TACC2: variants seen among roughly 807,000 people sequenced by gnomAD.
The protein encoded by TACC2 is transforming acidic coiled-coil containing protein 2, also known as transforming acidic coiled-coil-containing protein 2.
A neutral mutation model predicts 227.3 loss-of-function variants in TACC2; 137 were observed. The observed-to-expected ratio is 0.60, with a 90% CI of 0.52 to 0.69. The LOEUF is 0.69. Among genes scored for constraint, TACC2 ranks in the 30% least tolerant of loss-of-function variants. The probability of loss-of-function intolerance (pLI) is 0.00; values close to 1 mark genes in which losing one functional copy is unlikely to be tolerated. For synonymous variants in TACC2, 1,523 were observed against 1,487.5 expected (o/e 1.02, Z -0.55); for missense variants, 3,470 against 3,694.4 (o/e 0.94, Z 1.57).
At chr10:122,125,470 G>T (rs567401260) in intron 5 of TACC2, among the ~76,000 whole-genome samples, 1 of 152,294 alleles carries the variant, frequency 6.6e-6, no homozygotes, top group South Asian at 2.1e-4. Flanking sequence ...CAAATGCCAG[G>T]ATTACAGGCA....
At chr10:122,236,924 C>T (rs2095867927) in intron 16 of TACC2, among the ~76,000 whole-genome samples, 1 of 152,158 alleles carries the variant, frequency 6.6e-6, no homozygotes, top group Admixed American at 6.5e-5. Context: ...AAACAAATGC[C>T]CCCAAAATGG....
In TACC2 at chr10:122,087,462, C is replaced by T. The variant is rs368771136; in HGVS notation, c.4962C>T (p.Asp1654=). 34 of 1,613,970 alleles carry T rather than the reference C, an allele frequency of 2.1e-5. No individual in the cohort carries two copies. The African/African-American group carries it at 3.3e-4, about 16-fold the overall frequency. Residue 1654 remains aspartate, a synonymous_variant, in exon 4 of 23, where the codon GAC becomes GAT. Coordinates refer to ENST00000369005, the MANE Select transcript of TACC2 (RefSeq NM_206862.4). The part of the protein sequence containing the change: ...PEANSEPWTL[D]TLGGERRPGV... ...CCAACAGTGAGCCCTGGACCCTTGA[C>T]ACGCTTGGGGGTGAAAGGAGACCCG...
chr10:122,015,022 G>C (rs1956398672), intron 1 of TACC2, among the ~76,000 whole-genome samples: 1 of 151,942 alleles, frequency 6.6e-6, no homozygotes, highest in Non-Finnish European at 1.5e-5. Flanking sequence ...ATTGAATGCA[G>C]GATCTCCATC....
At chr10:121,991,062 A>C (rs959799723) in intron 1 of TACC2, among the ~76,000 whole-genome samples, 1 of 152,248 alleles carries the variant, frequency 6.6e-6, no homozygotes, top group South Asian at 2.1e-4. Flanking sequence ...CTGGAATTAC[A>C]GGTATGAGCC....
intron 5 of TACC2, among the ~76,000 whole-genome samples, chr10:122,103,779 GGTCTT>G (rs771852852): frequency 6.6e-6 from 1 of 151,982 alleles, no homozygotes; most frequent in Non-Finnish European, 1.5e-5. Flanking sequence ...TGGAGGCGGG[GGTCTT>G]GTCTTGCAGG....
intron 7 of TACC2, among the ~76,000 whole-genome samples, chr10:122,158,660 C>T (rs11200440): frequency 0.031 from 4,773 of 152,244 alleles, 240 homozygotes; most frequent in East Asian, 0.23. Flanking sequence ...GTAAATAGAT[C>T]AGCCCTTTGC....
chr10:122,105,944 C>CTGTGTG (rs71022897), intron 5 of TACC2, among the ~76,000 whole-genome samples: 57 of 145,252 alleles, frequency 3.9e-4, no homozygotes, highest in Middle Eastern at 3.6e-3. Context: ...TTTTCTCTCT[C>CTGTGTG]TGTGTGTGTG....
In TACC2 at chr10:122,084,897, C is replaced by T. The variant is rs1366494014; in HGVS notation, c.2397C>T (p.Asp799=). 6.2e-7 allele frequency: 1 copy of T among 1,614,044 alleles called. No homozygotes were observed. The highest frequency in any genetic ancestry group is 8.5e-7 in the Non-Finnish European group (1 of 1,180,020). Reference sequence around the variant, plus strand: ...TGGGGCTCACGGCACTCATCCTGGACCAAGATCAGCAGGGAATCCCATCCT... The same window carrying T: ...TGGGGCTCACGGCACTCATCCTGGATCAAGATCAGCAGGGAATCCCATCCT... ...ADLGLTALIL[D]QDQQGIPSCP... is the part of the protein sequence containing the mutation. Residue 799 remains aspartate (D), a synonymous_variant, in exon 4 of 23, where the codon GAC becomes GAT. Transcript: ENST00000369005.
intron 1 of TACC2, among the ~76,000 whole-genome samples, chr10:121,991,443 A>C (rs1953023775): frequency 6.6e-6 from 1 of 152,270 alleles, no homozygotes; most frequent in East Asian, 1.9e-4. Flanking sequence ...ATAGGAACTA[A>C]TATGAAATAA....
At chr10:122,089,163 T>G (rs956589465) in intron 5 of TACC2, among the ~76,000 whole-genome samples, 1 of 152,120 alleles carries the variant, frequency 6.6e-6, no homozygotes, top group African/African-American at 2.4e-5. Flanking sequence ...TACCACATAA[T>G]TCACTCATAC....
intron 2 of TACC2, among the ~76,000 whole-genome samples, chr10:122,040,979 G>A (rs1208819973): frequency 6.6e-6 from 1 of 152,156 alleles, no homozygotes; most frequent in Non-Finnish European, 1.5e-5. Context: ...TCGGGTCCCT[G>A]CTCTGCGTAC....
Position 122,152,936 on chromosome 10 carries a change from T to C in TACC2, c.5834+9230T>C, listed in dbSNP as rs1035201351. Among the ~76,000 whole-genome samples, 10 of 152,302 alleles carry C rather than the reference T, an allele frequency of 6.6e-5. No individual in the cohort carries two copies. In the East Asian group the frequency reaches 1.2e-3, roughly 18 times the overall value. ...TCCTCTTGTGATAACATCTGGCCTTTACTGAGTACTTTCTATGTACCAGGC... is the reference window on the plus strand; with the variant it reads ...TCCTCTTGTGATAACATCTGGCCTTCACTGAGTACTTTCTATGTACCAGGC... On this transcript the variant is annotated intron_variant, in intron 7 of 22. Transcript: ENST00000369005.
At chr10:122,108,501 A>G (rs1282535580) in intron 5 of TACC2, among the ~76,000 whole-genome samples, 1 of 134,524 alleles carries the variant, frequency 7.4e-6, no homozygotes, top group Non-Finnish European at 1.5e-5. Context: ...GGTGGAGTGC[A>G]ATGGTGCGAT....
intron 5 of TACC2, among the ~76,000 whole-genome samples, chr10:122,125,528 C>A (rs373329941): frequency 2.6e-5 from 4 of 152,084 alleles, no homozygotes; most frequent in Non-Finnish European, 5.9e-5. Flanking sequence ...AGCTCCTTCA[C>A]GCTGGAAGAA....
rs541569662 is a variant in TACC2, at chr10:122,047,016, C to A, written c.34-3422C>A. Reference sequence around the variant, plus strand: ...TAATTTATAGATAAAGAATCTTGGCCGGGTGTGGTGGCACCTGTAATTCCA... The same window carrying A: ...TAATTTATAGATAAAGAATCTTGGCAGGGTGTGGTGGCACCTGTAATTCCA... On this transcript the variant is annotated intron_variant, in intron 2 of 22. Transcript: ENST00000369005. Among the ~76,000 whole-genome samples, 5 of 152,018 alleles carry A rather than the reference C, an allele frequency of 3.3e-5. No individual in the cohort carries two copies. In the East Asian group the frequency reaches 7.7e-4, roughly 24 times the overall value.
chr10:122,138,930 T>G (rs968060762), intron 6 of TACC2, among the ~76,000 whole-genome samples: 3 of 152,222 alleles, frequency 2.0e-5, no homozygotes, highest in Non-Finnish European at 2.9e-5. Flanking sequence ...ATCAGTCTCC[T>G]TTTATCCCTT....
At chr10:122,233,566 T>G (rs1164007055) in intron 16 of TACC2, among the ~76,000 whole-genome samples, 3 of 152,182 alleles carry the variant, frequency 2.0e-5, no homozygotes, top group African/African-American at 4.8e-5. Context: ...TGTGTTGTCG[T>G]TGAGCAGCCT....
chr10:122,241,269 G>A (rs2095986671), intron 18 of TACC2, among the ~76,000 whole-genome samples: 1 of 152,122 alleles, frequency 6.6e-6, no homozygotes, highest in Non-Finnish European at 1.5e-5. Flanking sequence ...CAGTTGTCGG[G>A]CTGGAGGTTT....
At chr10:122,167,619 C>T (rs1283439328) in intron 7 of TACC2, among the ~76,000 whole-genome samples, 1 of 152,156 alleles carries the variant, frequency 6.6e-6, no homozygotes, top group Non-Finnish European at 1.5e-5. Flanking sequence ...GTTCTGGTCC[C>T]TTCCCTTATG....
Sources: gnomAD v4.1 joint callset for allele counts (sites outside exome capture counted in the v4.1 genomes callset) on GRCh38, gnomAD v4.1.1 for gene constraint, MANE v1.5 for transcripts, NCBI Gene and HGNC (gene_info 2026-07-23, HGNC 2026-07-21) for gene names.